The following ABR variants were observed in gnomAD, a reference collection of about 807,000 sequenced individuals.
ABR encodes the protein active breakpoint cluster region-related protein.
In ABR, 35 loss-of-function variants were observed where a neutral mutation model predicts 107.2. The observed-to-expected ratio is 0.33, with a 90% confidence interval of 0.25 to 0.43. ABR has a LOEUF of 0.43. Among genes scored for constraint, ABR ranks in the 20% least tolerant of loss-of-function variants. ABR has a pLI of 1.00. For synonymous variants in ABR, 498 were observed against 462.0 expected, an observed-to-expected ratio of 1.08 and a Z score of -1.00; for missense variants, 815 against 1,115.2, an observed-to-expected ratio of 0.73 and a Z score of 3.83.
At chr17:1,049,951 C>CA (rs5818778) in intron 16 of ABR, 99 bp downstream of exon 16, 53,067 of 1,487,488 alleles carry the variant, frequency 0.036, 1,107 homozygotes, top group Non-Finnish European at 0.041. Flanking sequence ...AGCTTGGAAC[C>CA]AAAATCACGA....
chr17:1,060,928 G>A (rs960582272), intron 10 of ABR, among the ~76,000 whole-genome samples: 3 of 152,072 alleles, frequency 2.0e-5, no homozygotes, highest in Non-Finnish European at 4.4e-5. Context: ...GGAGGTGGAG[G>A]TTGCAGTGAG....
Position 1,154,298 on chromosome 17 carries a change from C to T in ABR, c.61+25369G>A, listed in dbSNP as rs1270940739. ...CTCCACCACCACACGGTCCCCTCCC[C>T]GCCTGCACCCCACAAGCTGGGCACC... is the stretch of plus-strand genomic sequence containing the variant. On this transcript the variant is annotated intron_variant, in intron 1 of 22. Transcript: ENST00000302538. The surrounding 1 kb of genome is among the most constrained non-coding windows in gnomAD (Gnocchi z 4.0). 9 of 152,390 alleles carry T rather than the reference C, an allele frequency of 5.9e-5. No individual in the cohort carries two copies. Among genetic ancestry groups the T allele is most frequent in the African/African-American group, 1.7e-4 (7 of 41,440 alleles). The allele number at this position is 152,390 out of a possible 1,614,324, so 9.4% of individuals were successfully genotyped here.
intron 5 of ABR, among the ~76,000 whole-genome samples, chr17:1,082,390 G>A (rs1057374956): frequency 4.7e-5 from 7 of 150,276 alleles, no homozygotes; most frequent in African/African-American, 1.8e-4. Flanking sequence ...GAGGAGTGCG[G>A]GAGGAAGGCT....
Position 1,011,967 on chromosome 17 carries a change from C to T in ABR, c.1980G>A (p.Val660=). 2 of 1,613,552 alleles carry T rather than the reference C, an allele frequency of 1.2e-6. No homozygotes were observed. Among genetic ancestry groups the T allele is most frequent in the Non-Finnish European group, 1.7e-6 (2 of 1,179,570 alleles). Residue 660 remains valine, a synonymous_variant, in exon 19 of 23, where the codon GTG becomes GTA. Transcript: ENST00000302538. The surrounding 1 kb of genome is among the most constrained non-coding windows in gnomAD (Gnocchi z 4.8). ...SVVTKRERSK[V]PYIVRQCVEE... is the part of the protein sequence containing the mutation. ...CCACACACTGCCGGACGATGTAGGGCACCTTGGAGCGCTCCCGCCTGGGGT... is the reference window on the plus strand; with the variant it reads ...CCACACACTGCCGGACGATGTAGGGTACCTTGGAGCGCTCCCGCCTGGGGT...
In ABR at chr17:1,148,668, C is replaced by T. The variant is rs997252406; in HGVS notation, c.62-23301G>A. On this transcript the variant is annotated intron_variant, in intron 1 of 22. Coordinates refer to ENST00000302538, the MANE Select transcript of ABR (RefSeq NM_021962.5). This position sits in a 1 kb window ranked among gnomAD's most constrained non-coding sequence, Gnocchi z 4.9. ...CGTGCGAGGGATCGCAGTTCCATCC[C>T]GAAAGCGCTCCCCACCCTTCCCCGG... 2.0e-5 allele frequency among the ~76,000 whole-genome samples: 3 copies of T among 152,180 alleles called. No individual in the cohort carries two copies. The highest frequency in any genetic ancestry group is 2.9e-5 in the Non-Finnish European group (2 of 68,030).
intron 1 of ABR, among the ~76,000 whole-genome samples, chr17:1,175,655 G>A (rs531691226): frequency 2.8e-4 from 42 of 152,184 alleles, no homozygotes; most frequent in Non-Finnish European, 4.4e-4. Context: ...CACACTTACC[G>A]CAGCCCTTCA....
At chr17:1,018,608 G>T (rs1040888842) in intron 16 of ABR, among the ~76,000 whole-genome samples, 1 of 152,140 alleles carries the variant, frequency 6.6e-6, no homozygotes, top group African/African-American at 2.4e-5. Context: ...AACCTGGTCG[G>T]GGGGAGTGTG....
intron 3 of ABR, among the ~76,000 whole-genome samples, chr17:1,096,726 A>C (rs577840043): frequency 7.3e-6 from 1 of 136,658 alleles, no homozygotes; most frequent in Admixed American, 7.3e-5. Flanking sequence ...AAGGGGGGGA[A>C]CCTGCCCCGG....
At chr17:1,109,835 C>G (rs2151389189) in intron 2 of ABR, among the ~76,000 whole-genome samples, 1 of 151,874 alleles carries the variant, frequency 6.6e-6, no homozygotes, top group Admixed American at 6.5e-5. Context: ...CTCACAGGGA[C>G]CAGGATCCCC....
chr17:1,149,289 A>AC (rs532790291), intron 1 of ABR, among the ~76,000 whole-genome samples: 153 of 151,228 alleles, frequency 1.0e-3, no homozygotes, highest in African/African-American at 3.5e-3. Context: ...AGGGACAGAG[A>AC]CCCCCCCATG....
At chr17:1,076,495 G>A (rs933048032) in intron 6 of ABR, among the ~76,000 whole-genome samples, 12 of 152,180 alleles carry the variant, frequency 7.9e-5, no homozygotes, top group African/African-American at 1.4e-4. Context: ...GGTGGGCTCC[G>A]GAGTGGCGGC....
rs2042880285 is a variant in ABR, at chr17:1,210,409, G to T, written c.838+18384C>A. On this transcript the variant is annotated intron_variant, in intron 1 of 22. Coordinates refer to the ABR transcript ENST00000574139. This position sits in a 1 kb window ranked among gnomAD's most constrained non-coding sequence, Gnocchi z 5.6. ...TCAGCTTCTCTGCACTATCGTCCAG[G>T]TGTCACTCAGTTTCTCCATGCTGTT... is the stretch of plus-strand genomic sequence containing the variant. Among the ~76,000 whole-genome samples the T allele has an allele frequency of 6.7e-6, 1 of 150,180 alleles. No individual in the cohort carries two copies. Among genetic ancestry groups the T allele is most frequent in the South Asian group, 2.1e-4 (1 of 4,676 alleles).
upstream of ABR, among the ~76,000 whole-genome samples, chr17:1,191,850 G>A (rs533435351): frequency 8.5e-5 from 13 of 152,266 alleles, no homozygotes; most frequent in South Asian, 6.2e-4. Context: ...CCACACGACC[G>A]CTCCAGGAGC....
At position 1,157,997 on chromosome 17, in the gene ABR, G is replaced by A. The variant is rs1431357823; in HGVS notation, c.61+21670C>T. ...GGTATATGTGTGTGTGCAGATGTAC[G>A]TATGTGTGTCGCGTTGCAGCATGAA... On this transcript the variant is annotated intron_variant, in intron 1 of 22. Coordinates refer to ENST00000302538, the MANE Select transcript of ABR (RefSeq NM_021962.5). The surrounding 1 kb of genome is among the most constrained non-coding windows in gnomAD (Gnocchi z 4.7). 1.3e-5 allele frequency among the ~76,000 whole-genome samples: 2 copies of A among 152,192 alleles called. No individual in the cohort carries two copies. The highest frequency in any genetic ancestry group is 2.1e-4 in the South Asian group (1 of 4,826).
intron 16 of ABR, among the ~76,000 whole-genome samples, chr17:1,014,927 T>G (rs931593272): frequency 5.9e-5 from 9 of 152,204 alleles, no homozygotes; most frequent in African/African-American, 1.7e-4. Flanking sequence ...CTCCTTGAAT[T>G]TGTTTCTATT....
intron 16 of ABR, among the ~76,000 whole-genome samples, chr17:1,029,484 A>G (rs1417380409): frequency 6.6e-6 from 1 of 152,076 alleles, no homozygotes; most frequent in African/African-American, 2.4e-5. Flanking sequence ...CCTTTAATGA[A>G]CCTTCAGGTC....
intron 16 of ABR, chr17:1,031,552 C>T (rs1188039735): frequency 2.7e-6 from 2 of 745,108 alleles, no homozygotes; most frequent in Non-Finnish European, 3.6e-6. Flanking sequence ...AGCCCCGCAG[C>T]GCCCCCGAGC....
At chr17:1,124,497 G>T (rs2258746) in intron 2 of ABR, among the ~76,000 whole-genome samples, 1,912 of 152,362 alleles carry the variant, frequency 0.013, 21 homozygotes, top group Non-Finnish European at 0.022. Flanking sequence ...GTCTCCGACA[G>T]GCACACACGA....
intron 1 of ABR, among the ~76,000 whole-genome samples, chr17:1,195,628 C>A (rs1482886584): frequency 2.0e-5 from 3 of 150,712 alleles, no homozygotes; most frequent in Admixed American, 6.6e-5. Context: ...CACGGTGAAA[C>A]CCCGTCTCTA....
Sources: allele counts gnomAD v4.1 joint callset (sites outside exome capture counted in the v4.1 genomes callset), GRCh38; gene constraint gnomAD v4.1.1; non-coding constraint Gnocchi (gnomAD v3.1); transcripts MANE v1.5; gene names NCBI Gene and HGNC (gene_info 2026-07-23, HGNC 2026-07-21).